Variants in IMMP2L observed in about 807,000 individuals in gnomAD.
IMMP2L encodes mitochondrial inner membrane protease subunit 2.
Under a neutral mutation model 19.3 loss-of-function variants are expected in IMMP2L, and 18 were observed. That is an observed-to-expected ratio of 0.93 (90% confidence interval 0.64 to 1.38). IMMP2L has a LOEUF of 1.38. IMMP2L is among the 40% of genes most tolerant of loss of function. IMMP2L has a pLI of 0.00. For missense variants in IMMP2L, 233 were observed against 218.2 expected (o/e 1.07, Z -0.43); for synonymous variants, 76 against 73.0 (o/e 1.04, Z -0.21).
chr7:111,479,465 T>G (rs1362927252), intron 3 of IMMP2L, among the ~76,000 whole-genome samples: 1 of 152,166 alleles, frequency 6.6e-6, no homozygotes, highest in East Asian at 1.9e-4. Flanking sequence ...TATATCTTAT[T>G]AATTCCAAAA....
intron 2 of IMMP2L, among the ~76,000 whole-genome samples, chr7:111,520,480 A>G (rs149602160): frequency 6.6e-6 from 1 of 152,270 alleles, no homozygotes; most frequent in African/African-American, 2.4e-5. Context: ...CTAACTCCTT[A>G]AAGCTGATAA....
intron 3 of IMMP2L, among the ~76,000 whole-genome samples, chr7:111,289,207 G>A (rs183358308): frequency 2.6e-3 from 397 of 151,768 alleles, no homozygotes; most frequent in Middle Eastern, 0.014. Context: ...TCATAAGTGG[G>A]AGCTGATCAA....
chr7:111,020,171 G>T (rs1826138503), intron 3 of IMMP2L, among the ~76,000 whole-genome samples: 1 of 149,856 alleles, frequency 6.7e-6, no homozygotes, highest in South Asian at 2.1e-4. Context: ...ATCATCTGAA[G>T]TCAGGAGTTC....
At chr7:110,979,561 T>C (rs1460652452) in intron 3 of IMMP2L, among the ~76,000 whole-genome samples, 4 of 152,064 alleles carry the variant, frequency 2.6e-5, no homozygotes, top group African/African-American at 9.7e-5. Flanking sequence ...ATTCTATCAG[T>C]ATTATTGGGT....
At chr7:110,735,552 T>A (rs1010371320) in intron 5 of IMMP2L, among the ~76,000 whole-genome samples, 62 of 151,756 alleles carry the variant, frequency 4.1e-4, no homozygotes, top group African/African-American at 1.4e-3. Context: ...CCCAGCAATT[T>A]GTGAGGCTGA....
rs60827428 is a variant in IMMP2L at position 110,873,429 on chromosome 7, C to CAAAAA, written c.408+13159_408+13163dup. ...TGGGAGACAGAGCAAGACTCTATCT[C>CAAAAA]AAAAAAAAAAAAAAAAAAAAAAAAA... On this transcript the variant is annotated intron_variant, in intron 5 of 5. Coordinates refer to ENST00000405709, the MANE Select transcript of IMMP2L (RefSeq NM_032549.4). Among the ~76,000 whole-genome samples the CAAAAA allele has an allele frequency of 4.1e-3, 118 of 28,876 alleles. 4 individuals carry two copies. Among genetic ancestry groups the CAAAAA allele is most frequent in the Non-Finnish European group, 6.2e-3 (86 of 13,922 alleles). The allele number at this position is 28,876 out of a possible 152,430, so 18.9% of individuals were successfully genotyped here.
intron 5 of IMMP2L, among the ~76,000 whole-genome samples, chr7:110,793,490 C>G (rs2131163465): frequency 6.6e-6 from 1 of 152,054 alleles, no homozygotes; most frequent in East Asian, 1.9e-4. Context: ...CAAACACCAT[C>G]TCATCCCCAA....
At chr7:110,774,729 A>G (rs1025900098) in intron 5 of IMMP2L, among the ~76,000 whole-genome samples, 3 of 152,026 alleles carry the variant, frequency 2.0e-5, no homozygotes, top group African/African-American at 4.8e-5. Context: ...CCTAAGAGCA[A>G]CAGGCTATAC....
intron 3 of IMMP2L, among the ~76,000 whole-genome samples, chr7:111,464,937 C>A (rs746319262): frequency 6.6e-6 from 1 of 152,172 alleles, no homozygotes; most frequent in South Asian, 2.1e-4. Flanking sequence ...TACAGGCGCC[C>A]GCCACCAGGC....
chr7:111,219,297 T>C (rs1190598443), intron 3 of IMMP2L, among the ~76,000 whole-genome samples: 5 of 152,010 alleles, frequency 3.3e-5, no homozygotes, highest in Admixed American at 3.3e-4. Flanking sequence ...TGAGGCACTA[T>C]TTCTAAAAGT....
At chr7:111,238,772 A>G (rs961201524) in intron 3 of IMMP2L, among the ~76,000 whole-genome samples, 1 of 151,982 alleles carries the variant, frequency 6.6e-6, no homozygotes, top group African/African-American at 2.4e-5. Context: ...TAGGGTGTGG[A>G]AAAGTAAAAG....
At chr7:111,200,261 T>A (rs1273818629) in intron 3 of IMMP2L, among the ~76,000 whole-genome samples, 1 of 152,100 alleles carries the variant, frequency 6.6e-6, no homozygotes, top group African/African-American at 2.4e-5. Flanking sequence ...TGATATTGTC[T>A]TTTCTTAGAA....
intron 3 of IMMP2L, chr7:111,411,473 G>T: frequency 2.1e-6 from 1 of 485,582 alleles, no homozygotes; most frequent in Non-Finnish European, 4.1e-6. Flanking sequence ...CGAAGTCACG[G>T]GCAAGCACGG....
chr7:111,340,436 C>T (rs1224134297), intron 3 of IMMP2L, among the ~76,000 whole-genome samples: 2 of 152,008 alleles, frequency 1.3e-5, no homozygotes, highest in African/African-American at 4.8e-5. Flanking sequence ...AGAATTAAGA[C>T]TGTGTATGTT....
chr7:110,995,953 A>C (rs1206750662), intron 3 of IMMP2L, among the ~76,000 whole-genome samples: 5 of 152,174 alleles, frequency 3.3e-5, no homozygotes, highest in African/African-American at 1.2e-4. Context: ...ACACCATGTA[A>C]TACACATAAG....
At chr7:111,532,188 G>A (rs1847455817) in intron 1 of IMMP2L, among the ~76,000 whole-genome samples, 1 of 152,208 alleles carries the variant, frequency 6.6e-6, no homozygotes, top group Middle Eastern at 3.4e-3. Context: ...CCATGTGACA[G>A]CCAGTTTCCA....
chr7:111,190,360 T>C (rs1332384982), intron 3 of IMMP2L, among the ~76,000 whole-genome samples: 1 of 152,058 alleles, frequency 6.6e-6, no homozygotes, highest in Non-Finnish European at 1.5e-5. Context: ...AATCTAGCAT[T>C]ACCAACATGC....
chr7:111,362,220 T>C (rs1829325663), intron 3 of IMMP2L, among the ~76,000 whole-genome samples: 1 of 152,064 alleles, frequency 6.6e-6, no homozygotes, highest in Non-Finnish European at 1.5e-5. Context: ...CCCCATAGGA[T>C]TTTACCCTAA....
At chr7:110,857,481 A>G (rs543764138) in intron 5 of IMMP2L, among the ~76,000 whole-genome samples, 30 of 152,108 alleles carry the variant, frequency 2.0e-4, no homozygotes, top group Non-Finnish European at 3.2e-4. Context: ...ATATGAAAAA[A>G]GAGAGCCCAA....
Sources: gnomAD v4.1 joint callset for allele counts (sites outside exome capture counted in the v4.1 genomes callset) on GRCh38, gnomAD v4.1.1 for gene constraint, MANE v1.5 for transcripts, NCBI Gene and HGNC (gene_info 2026-07-23, HGNC 2026-07-21) for gene names.